The following STAR variants were observed in gnomAD, a reference collection of about 807,000 sequenced individuals.
STAR encodes the protein steroidogenic acute regulatory protein, mitochondrial.
In STAR, 32 loss-of-function variants were observed where a neutral mutation model predicts 32.3. The observed-to-expected ratio is 0.99, with a 90% CI of 0.75 to 1.33. The LOEUF (loss-of-function observed/expected upper bound fraction) is 1.33. Ranked by LOEUF, STAR falls within the 40% of genes most tolerant of loss-of-function variation. The pLI, the probability that STAR is intolerant of heterozygous loss-of-function variation, is 0.00. For missense variants in STAR, 375 were observed against 379.0 expected (o/e 0.99, Z 0.09); for synonymous variants, 134 against 140.5 (o/e 0.95, Z 0.33).
At chr8:38,149,822 G>A (rs1011458512) in intron 1 of STAR, among the ~76,000 whole-genome samples, 1 of 152,178 alleles carries the variant, frequency 6.6e-6, no homozygotes, top group African/African-American at 2.4e-5. Context: ...CTAGGCAACA[G>A]AGCGAGACTG....
In STAR at chr8:38,148,654, C is replaced by G; in HGVS notation, c.165G>C (p.Arg55=). 2.5e-6 allele frequency: 4 copies of G among 1,614,142 alleles called. No homozygotes were observed. The highest frequency in any genetic ancestry group is 3.4e-6 in the Non-Finnish European group (4 of 1,180,034). Reference sequence around the variant, plus strand: ...CTCAGCACTTACCGAGTAGAGAGCTCCGCCGCCGAACCTGGTTAATCCACG... The same window carrying G: ...CTCAGCACTTACCGAGTAGAGAGCTGCGCCGCCGAACCTGGTTAATCCACG... ...PSTWINQVRR[R]SSLLGSRLEE... Residue 55 remains arginine, a synonymous_variant, in exon 2 of 7, where the codon CGG becomes CGC. Coordinates refer to ENST00000276449, the MANE Select transcript of STAR (RefSeq NM_000349.3).
chr8:38,149,431 C>T (rs977368281), intron 1 of STAR, among the ~76,000 whole-genome samples: 6 of 152,196 alleles, frequency 3.9e-5, no homozygotes, highest in Non-Finnish European at 8.8e-5. Context: ...ACCTTGGATG[C>T]GAATCAGCTC....
chr8:38,146,405 C>A lies in STAR; in HGVS notation c.349G>T (p.Gly117Cys). 1 of 1,614,144 alleles carries A rather than the reference C, an allele frequency of 6.2e-7. No homozygotes were observed. Among genetic ancestry groups the A allele is most frequent in the Non-Finnish European group, 8.5e-7 (1 of 1,180,048 alleles). ...KVMSKVVPDV[G>C]KVFRLEVVVD... ...ACGACCTCCAGCCGGAACACCTTGC[C>A]CACATCTGGGACCACTTTACTCATC... The change falls in exon 4 of 7, where the codon GGC becomes TGC. Residue 117 changes from glycine (G) to cysteine (C), a missense_variant. Coordinates refer to ENST00000276449, the MANE Select transcript of STAR (RefSeq NM_000349.3).
Position 38,146,040 on chromosome 8 carries a change from C to T in STAR, c.573G>A (p.Lys191=). ...CCAGCACACAGGTGGAGCCTCGGCG[C>T]TTGGCACAGCGCACGCTCACAAAGT... is the stretch of plus-strand genomic sequence containing the variant. The part of the protein sequence containing the change: ...PRDFVSVRCA[K]RRGSTCVLAG... Residue 191 remains lysine, a synonymous_variant, in exon 5 of 7, where the codon AAG becomes AAA. Coordinates refer to ENST00000276449, the MANE Select transcript of STAR (RefSeq NM_000349.3). The T allele has an allele frequency of 6.2e-7, 1 of 1,614,238 alleles. No individual in the cohort carries two copies. The highest frequency in any genetic ancestry group is 8.5e-7 in the Non-Finnish European group (1 of 1,180,042).
At chr8:38,145,523 C>G (rs1802553858) in intron 5 of STAR, 1 of 670,426 alleles carries the variant, frequency 1.5e-6, no homozygotes, top group Admixed American at 2.3e-5. Context: ...GCTGGAGCAG[C>G]CCCTGCGGCC....
At chr8:38,146,911 CATT>C (rs1802584338) in intron 3 of STAR, among the ~76,000 whole-genome samples, 1 of 151,766 alleles carries the variant, frequency 6.6e-6, no homozygotes, top group South Asian at 2.1e-4. Flanking sequence ...AGTCGGTAAT[CATT>C]GTTGCCATGG....
rs771340468 is a variant in STAR, at chr8:38,148,741, C to G, written c.78G>C (p.Gln26His). The G allele has an allele frequency of 1.2e-6, 2 of 1,613,748 alleles. No homozygotes were observed. Residue 26 changes from glutamine (Q) to histidine (H), a missense_variant, in exon 2 of 7, where the codon CAG becomes CAC. Coordinates refer to ENST00000276449, the MANE Select transcript of STAR (RefSeq NM_000349.3). ...GCTCCTGGCTGATGGCCATCACAGCCTGTTGCCTCAGCCCTGCAGAAGGGA... is the reference window on the plus strand; with the variant it reads ...GCTCCTGGCTGATGGCCATCACAGCGTGTTGCCTCAGCCCTGCAGAAGGGA... Reference protein sequence around the residue: ...HMRNMKGLRQQAVMAISQELN... With the variant: ...HMRNMKGLRQHAVMAISQELN...
At chr8:38,147,778 C>CTT (rs1234944804) in intron 3 of STAR, among the ~76,000 whole-genome samples, 1 of 152,250 alleles carries the variant, frequency 6.6e-6, no homozygotes, top group South Asian at 2.1e-4. Context: ...ATGGACCACT[C>CTT]TGTGTTCTAG....
intron 6 of STAR, chr8:38,144,839 T>A (rs979170646): frequency 2.9e-5 from 16 of 555,976 alleles, no homozygotes; most frequent in Non-Finnish European, 4.3e-5. Context: ...TGAAACCCCG[T>A]CTCTACTAAA....
At chr8:38,145,157 G>T (rs888198193) in intron 6 of STAR, 65 bp downstream of exon 6, 1 of 1,611,344 alleles carries the variant, frequency 6.2e-7, no homozygotes, top group Non-Finnish European at 8.5e-7. Context: ...AGCATGGGGG[G>T]AATGGGAAGA....
chr8:38,146,170 A>G, intron 4 of STAR, 23 bp from the exon 5 acceptor site: 1 of 1,613,844 alleles, frequency 6.2e-7, no homozygotes. Context: ...GGGGAACCAG[A>G]ATCACGACTC....
Position 38,145,906 on chromosome 8 carries a change from G to A in STAR, c.650+57C>T, listed in dbSNP as rs1585624911. On this transcript the variant is annotated intron_variant, in intron 5 of 6. Coordinates refer to ENST00000276449, the MANE Select transcript of STAR (RefSeq NM_000349.3). ...GGGGATGCAGTCCACATGCTTGGGT[G>A]CACACCTGCAGGCCTGTGTTAGAAG... 6.9e-6 allele frequency: 11 copies of A among 1,605,120 alleles called. No homozygotes were observed. In the East Asian group the frequency reaches 2.5e-4, roughly 36 times the overall value.
intron 5 of STAR, 123 bp from the exon 6 acceptor site, chr8:38,145,438 G>T: frequency 7.4e-7 from 1 of 1,351,212 alleles, no homozygotes; most frequent in Non-Finnish European, 1.0e-6. Flanking sequence ...TCTCATCAGG[G>T]AAGTGCCCTT....
rs1277134971 is a variant in STAR, at chr8:38,143,338, ACT to A, written c.*933_*934del. Among the ~76,000 whole-genome samples the A allele has an allele frequency of 7.4e-6, 1 of 135,042 alleles. No homozygotes were observed. Among genetic ancestry groups the A allele is most frequent in the African/African-American group, 2.8e-5 (1 of 35,514 alleles). 88.6% of individuals were successfully genotyped at this position (135,042 alleles called of 152,430 possible). On this transcript the variant is annotated 3_prime_UTR_variant, in exon 7 of 7. Coordinates refer to ENST00000276449, the MANE Select transcript of STAR (RefSeq NM_000349.3). The stretch of plus-strand genomic sequence containing the variant: ...TTTTTTTTTTTTGAGATGGAGTCTC[ACT>A]CTGTCGCCCACGCTGGAGCGCAGTG...
Position 38,144,197 on chromosome 8 carries a change from G to C in STAR, c.*76C>G. 1 of 1,438,576 alleles carries C rather than the reference G, an allele frequency of 7.0e-7. No homozygotes were observed. The highest frequency in any genetic ancestry group is 1.2e-5 in the South Asian group (1 of 81,490). The allele number at this position is 1,438,576 out of a possible 1,614,324, so 89.1% of individuals were successfully genotyped here. On this transcript the variant is annotated 3_prime_UTR_variant, in exon 7 of 7. Transcript: ENST00000276449. ...ACCAGATGGAGATCTTAGACTTGCAGGCTTCCAGTAGGGATTCTCCTGATG... is the reference window on the plus strand; with the variant it reads ...ACCAGATGGAGATCTTAGACTTGCACGCTTCCAGTAGGGATTCTCCTGATG...
chr8:38,150,723 A>G (rs1242041052), intron 1 of STAR, 32 bp downstream of exon 1: 1 of 1,604,428 alleles, frequency 6.2e-7, no homozygotes, highest in Admixed American at 1.7e-5. Flanking sequence ...GAGCTGGCCA[A>G]CCCCTCATCG....
chr8:38,148,281 A>T lies in STAR; in HGVS notation c.225T>A (p.Tyr75Ter). Residue 75 changes from tyrosine to a stop codon, truncating the protein, a stop_gained, in exon 3 of 7, where the codon TAT becomes TAA. Transcript: ENST00000276449. LOFTEE classifies it high-confidence loss of function. ...ETLYSDQELA[Y>*]LQQGEEAMQK... is the part of the protein sequence containing the mutation. ...GCATGGCCTCCTCCCCCTGCTGGAG[A>T]TAGGCCAGCTCCTGGTCACTGTAGA... 3 of 1,614,028 alleles carry T rather than the reference A, an allele frequency of 1.9e-6. No individual in the cohort carries two copies. The highest frequency in any genetic ancestry group is 2.5e-6 in the Non-Finnish European group (3 of 1,179,978).
Position 38,143,982 on chromosome 8 carries a change from G to A in STAR, c.*291C>T. 1 of 383,316 alleles carries A rather than the reference G, an allele frequency of 2.6e-6. No homozygotes were observed. Among genetic ancestry groups the A allele is most frequent in the Non-Finnish European group, 5.0e-6 (1 of 199,300 alleles). 23.7% of individuals were successfully genotyped at this position (383,316 alleles called of 1,614,324 possible). On this transcript the variant is annotated 3_prime_UTR_variant, in exon 7 of 7. Coordinates refer to ENST00000276449, the MANE Select transcript of STAR (RefSeq NM_000349.3). ...GCATTTTAAAGATGGTTTTAGGTGG[G>A]TACATAAGGGCCCAGAAAAAAAGTT...
chr8:38,148,701 G>A lies in STAR; in HGVS notation c.118C>T (p.Leu40=), dbSNP rs781582584. 6.2e-7 allele frequency: 1 copy of A among 1,614,096 alleles called. No individual in the cohort carries two copies. The highest frequency in any genetic ancestry group is 1.1e-5 in the South Asian group (1 of 91,092). Residue 40 remains leucine, a synonymous_variant, in exon 2 of 7, where the codon CTG becomes TTG. Coordinates refer to ENST00000276449, the MANE Select transcript of STAR (RefSeq NM_000349.3). ...AISQELNRRA[L]GGPTPSTWIN... ...CACGTGCTAGGGGTGGGGCCCCCCA[G>A]GGCCCTCCGGTTCAGCTCCTGGCTG...
Sources: allele counts gnomAD v4.1 joint callset (sites outside exome capture counted in the v4.1 genomes callset), GRCh38; gene constraint gnomAD v4.1.1; transcripts MANE v1.5; gene names NCBI Gene and HGNC (gene_info 2026-07-23, HGNC 2026-07-21).